PHLPP2: variants seen among roughly 807,000 people sequenced by gnomAD.
PHLPP2 encodes the protein PH domain and leucine rich repeat protein phosphatase 2.
A neutral mutation model predicts 124.9 loss-of-function variants in PHLPP2; 66 were observed. That is an observed-to-expected ratio of 0.53 (90% CI 0.43 to 0.65). The LOEUF (loss-of-function observed/expected upper bound fraction) is 0.65. Ranked by LOEUF, PHLPP2 falls within the 30% of genes least tolerant of loss-of-function variation. PHLPP2 has a pLI of 0.00. For synonymous variants in PHLPP2, 681 were observed against 624.7 expected (o/e 1.09, Z -1.34); for missense variants, 1,685 against 1,600.4 (o/e 1.05, Z -0.90).
chr16:71,651,838 T>G (rs2044698953), intron 18 of PHLPP2, among the ~76,000 whole-genome samples: 1 of 152,164 alleles, frequency 6.6e-6, no homozygotes. Flanking sequence ...GACACCTACA[T>G]GCAAAACATG....
At chr16:71,652,763 A>C (rs2044705496) in intron 18 of PHLPP2, 27 bp downstream of exon 18, 2 of 1,543,092 alleles carry the variant, frequency 1.3e-6, no homozygotes, top group Non-Finnish European at 1.8e-6. Context: ...TGGGGAGCAG[A>C]AGTGACTGGC....
chr16:71,658,460 C>G lies in PHLPP2; in HGVS notation c.2149-97G>C. ...CTCTTACTATATCCCCAAAGAGGAA[C>G]TTAATTTCTTCCCAGGAATCCATTA... On this transcript the variant is annotated intron_variant, in intron 14 of 18. Transcript: ENST00000568954. 3.2e-6 allele frequency: 4 copies of G among 1,252,148 alleles called. No individual in the cohort carries two copies. In the South Asian group the frequency reaches 5.9e-5, roughly 18 times the overall value. 77.6% of individuals were successfully genotyped at this position (1,252,148 alleles called of 1,614,324 possible). A position where few individuals can be genotyped will look rare whatever the true frequency, so the allele number is the denominator to read the frequency against.
At chr16:71,710,427 G>A (rs537970144) in intron 2 of PHLPP2, among the ~76,000 whole-genome samples, 1 of 152,300 alleles carries the variant, frequency 6.6e-6, no homozygotes, top group South Asian at 2.1e-4. Flanking sequence ...AAAACGTGGG[G>A]TAATTTTAAT....
Position 71,656,603 on chromosome 16 carries a change from A to C in PHLPP2, c.2358T>G (p.His786Gln). The change falls in exon 16 of 19, where the codon CAT becomes CAG. Residue 786 changes from histidine (H) to glutamine (Q), a missense_variant. Physicochemically the swap from His to Gln is conservative, Grantham distance 24. Coordinates refer to ENST00000568954, the MANE Select transcript of PHLPP2 (RefSeq NM_015020.3). ...DSTVTSTFWS[H>Q]GLAEMAGQRN... is the part of the protein sequence containing the mutation. ...TCTGCCCTGCCATCTCAGCCAGTCC[A>C]TGGCTCCAGAAGGTTGACGTAACTG... 1 of 1,612,594 alleles carries C rather than the reference A, an allele frequency of 6.2e-7. No individual in the cohort carries two copies. Among genetic ancestry groups the C allele is most frequent in the Non-Finnish European group, 8.5e-7 (1 of 1,178,680 alleles).
intron 2 of PHLPP2, among the ~76,000 whole-genome samples, chr16:71,711,702 T>C (rs1177343992): frequency 6.6e-6 from 1 of 152,234 alleles, no homozygotes; most frequent in African/African-American, 2.4e-5. Flanking sequence ...TTATGCTTTT[T>C]CATTTTCCAA....
chr16:71,690,425 G>T, intron 4 of PHLPP2, 94 bp downstream of exon 4: 1 of 899,110 alleles, frequency 1.1e-6, no homozygotes, highest in South Asian at 1.6e-5. Flanking sequence ...TGGCTTCTTT[G>T]AAAAGATATG....
At chr16:71,713,298 G>A (rs1215986950) in intron 2 of PHLPP2, among the ~76,000 whole-genome samples, 2 of 152,116 alleles carry the variant, frequency 1.3e-5, no homozygotes, top group Non-Finnish European at 2.9e-5. Flanking sequence ...TCATGTGTAT[G>A]TGCCTCTATT....
intron 10 of PHLPP2, among the ~76,000 whole-genome samples, chr16:71,672,048 A>G (rs1197936524): frequency 6.6e-6 from 1 of 152,230 alleles, no homozygotes; most frequent in African/African-American, 2.4e-5. Context: ...TCTTTAAGAA[A>G]GAGTAATTCA....
intron 1 of PHLPP2, among the ~76,000 whole-genome samples, chr16:71,716,451 A>C (rs772888039): frequency 6.6e-6 from 1 of 152,248 alleles, no homozygotes; most frequent in Non-Finnish European, 1.5e-5. Flanking sequence ...ATATATTGCC[A>C]AGTTATCTCA....
intron 9 of PHLPP2, 141 bp downstream of exon 9, chr16:71,676,306 G>A (rs556708436): frequency 1.6e-6 from 1 of 635,450 alleles, no homozygotes; most frequent in South Asian, 1.9e-5. Context: ...TGACAGCAAA[G>A]TGAAGAGATA....
intron 3 of PHLPP2, chr16:71,698,504 T>A: frequency 1.3e-6 from 1 of 744,288 alleles, no homozygotes; most frequent in East Asian, 2.6e-5. Flanking sequence ...GCACCTCGCA[T>A]ACCTGTTTGG....
chr16:71,663,923 T>C lies in PHLPP2; in HGVS notation c.1961A>G (p.Asn654Ser). 2 of 1,614,008 alleles carry C rather than the reference T, an allele frequency of 1.2e-6. No homozygotes were observed. The highest frequency in any genetic ancestry group is 1.7e-6 in the Non-Finnish European group (2 of 1,179,856). ...LHLRILHLAN[N>S]QLQTFPASKL... ...CCTTGCAGGAAAGGTCTGTAACTGATTGTTTGCAAGGTGCAAGATTCGCAG... is the reference window on the plus strand; with the variant it reads ...CCTTGCAGGAAAGGTCTGTAACTGACTGTTTGCAAGGTGCAAGATTCGCAG... The change falls in exon 13 of 19, where the codon AAT becomes AGT. Residue 654 changes from asparagine to serine, a missense_variant. Physicochemically the swap from Asn to Ser is conservative, Grantham distance 46. Transcript: ENST00000568954.
At chr16:71,682,940 G>A (rs898417138) in intron 5 of PHLPP2, among the ~76,000 whole-genome samples, 3 of 152,184 alleles carry the variant, frequency 2.0e-5, no homozygotes, top group African/African-American at 7.2e-5. Flanking sequence ...GGAGGCCAAG[G>A]CGGGCGGATC....
chr16:71,705,361 A>C (rs539379855), intron 2 of PHLPP2, among the ~76,000 whole-genome samples: 1 of 152,170 alleles, frequency 6.6e-6, no homozygotes. Flanking sequence ...CTAAATCTCG[A>C]GTGCTCAATT....
intron 4 of PHLPP2, among the ~76,000 whole-genome samples, chr16:71,686,910 G>A (rs2045059945): frequency 6.6e-6 from 1 of 151,906 alleles, no homozygotes; most frequent in Admixed American, 6.6e-5. Flanking sequence ...TCATGTACAA[G>A]TCTTTTAAAG....
rs984442802 is a variant in PHLPP2, at chr16:71,656,673, G to C, written c.2288C>G (p.Thr763Arg). 1.9e-6 allele frequency: 3 copies of C among 1,596,318 alleles called. No homozygotes were observed. Among genetic ancestry groups the C allele is most frequent in the Admixed American group, 3.3e-5 (2 of 59,962 alleles). ...HKTLDIFSHI[T>R]TLKIDQKPLP... is the part of the protein sequence containing the mutation. Reference sequence around the variant, plus strand: ...AGGTTTCTGATCAATTTTCAGGGTTGTGATATGGCTGTGGGAGGTGAAGGA... The same window carrying C: ...AGGTTTCTGATCAATTTTCAGGGTTCTGATATGGCTGTGGGAGGTGAAGGA... The change falls in exon 16 of 19, where the codon ACA (threonine) becomes AGA (arginine). Residue 763 changes from threonine to arginine, a missense_variant. By Grantham distance (71) the Thr-to-Arg change is moderately conservative. Transcript: ENST00000568954.
intron 2 of PHLPP2, among the ~76,000 whole-genome samples, chr16:71,704,307 C>CAAAAACAAAAAAAAAAAAAAA (rs1555548332): frequency 1.0e-5 from 1 of 98,748 alleles, no homozygotes; most frequent in African/African-American, 4.1e-5. Context: ...GACTCTGTCT[C>CAAAAACAAAAAAAAAAAAAAA]AAAAAAAAAA....
At chr16:71,709,674 GACCAATCTATC>G (rs1321977908) in intron 2 of PHLPP2, among the ~76,000 whole-genome samples, 1 of 152,108 alleles carries the variant, frequency 6.6e-6, no homozygotes, top group Non-Finnish European at 1.5e-5. Context: ...TGAGAGACAA[GACCAATCTATC>G]ACCAGCCAGC....
At position 71,678,770 on chromosome 16, in the gene PHLPP2, T is replaced by C. The variant is rs1355628607; in HGVS notation, c.1253A>G (p.Lys418Arg). Residue 418 changes from lysine (K) to arginine (R), a missense_variant, in exon 8 of 19, where the codon AAG becomes AGG. Physicochemically the swap from Lys to Arg is conservative, Grantham distance 26. Transcript: ENST00000568954. ...LGVLNRMNHI[K>R]HVDLRMNHLK... Reference sequence around the variant, plus strand: ...ATAACCTTACCTTAAATCCACATGCTTGATATGGTTCATCCTATTCAGCAC... The same window carrying C: ...ATAACCTTACCTTAAATCCACATGCCTGATATGGTTCATCCTATTCAGCAC... 1.3e-6 allele frequency: 2 copies of C among 1,586,614 alleles called. No individual in the cohort carries two copies. Among genetic ancestry groups the C allele is most frequent in the African/African-American group, 1.3e-5 (1 of 74,442 alleles).
Sources: gnomAD v4.1 joint callset for allele counts (sites outside exome capture counted in the v4.1 genomes callset) on GRCh38, gnomAD v4.1.1 for gene constraint, MANE v1.5 for transcripts, NCBI Gene and HGNC (gene_info 2026-07-23, HGNC 2026-07-21) for gene names.